BAIAP2: variants seen among roughly 807,000 people sequenced by gnomAD.
The protein encoded by BAIAP2 is BAR/IMD domain-containing adapter protein 2.
BAIAP2 carries 18 observed loss-of-function variants against 63.0 expected under a neutral mutation model. The observed-to-expected ratio is 0.29, with a 90% CI of 0.20 to 0.42. The LOEUF is 0.42. Among genes scored for constraint, BAIAP2 ranks in the 10% least tolerant of loss-of-function variants. The probability of loss-of-function intolerance (pLI) is 1.00; values close to 1 mark genes in which losing one functional copy is unlikely to be tolerated. For synonymous variants in BAIAP2, 386 were observed against 307.6 expected (o/e 1.25, Z -2.67); for missense variants, 610 against 734.3 (o/e 0.83, Z 1.96).
In BAIAP2 at chr17:81,110,847, C is replaced by T. The variant is rs1207575305; in HGVS notation, c.1535+2338C>T. ...TCCTGGCAGCTCGCCCGTGGTCCCCCCTCCTCTGCACCCCCGAGTCCTCAG... is the reference window on the plus strand; with the variant it reads ...TCCTGGCAGCTCGCCCGTGGTCCCCTCTCCTCTGCACCCCCGAGTCCTCAG... On this transcript the variant is annotated intron_variant, in intron 13 of 13. Transcript: ENST00000428708. 13 of 1,599,774 alleles carry T rather than the reference C, an allele frequency of 8.1e-6. No individual in the cohort carries two copies. The Admixed American group carries it at 8.3e-5, about 10-fold the overall frequency.
intron 13 of BAIAP2, 86 bp from the exon 14 acceptor site, chr17:81,115,684 A>G: frequency 6.6e-7 from 1 of 1,505,742 alleles, no homozygotes; most frequent in East Asian, 2.3e-5. Flanking sequence ...AGCACTGGGG[A>G]ATCCCTGGGG....
chr17:81,089,355 C>T (rs898999556), intron 6 of BAIAP2, among the ~76,000 whole-genome samples: 2 of 152,180 alleles, frequency 1.3e-5, no homozygotes, highest in Admixed American at 1.3e-4. Flanking sequence ...TTCGCAGCCA[C>T]AGGGGGCTGG....
At chr17:81,036,582 G>T (rs1568048991) in intron 1 of BAIAP2, among the ~76,000 whole-genome samples, 1 of 152,254 alleles carries the variant, frequency 6.6e-6, no homozygotes, top group East Asian at 1.9e-4. Context: ...TAAAGCTTGT[G>T]AAGTTGGGGC....
chr17:81,109,092 C>G (rs938317939), intron 13 of BAIAP2: 1 of 1,484,994 alleles, frequency 6.7e-7, no homozygotes, highest in African/African-American at 1.4e-5. Flanking sequence ...CTGGTTTGTT[C>G]TTGGGTTGTT....
At chr17:81,111,786 A>T (rs1471508152) in intron 13 of BAIAP2, among the ~76,000 whole-genome samples, 1 of 152,162 alleles carries the variant, frequency 6.6e-6, no homozygotes, top group African/African-American at 2.4e-5. Flanking sequence ...CACACCTTCC[A>T]ATCGCCTACA....
At chr17:81,108,207 T>G in intron 12 of BAIAP2, 1 of 573,708 alleles carries the variant, frequency 1.7e-6, no homozygotes, top group East Asian at 2.9e-5. Context: ...TGCATCTGTT[T>G]GGGAGTGTGC....
intron 6 of BAIAP2, among the ~76,000 whole-genome samples, chr17:81,097,273 C>T (rs1027445368): frequency 2.6e-5 from 4 of 152,138 alleles, no homozygotes; most frequent in Non-Finnish European, 2.9e-5. Context: ...AGGGGAGCGC[C>T]GGGCTCCGTG....
At chr17:81,073,718 G>A (rs1017922874) in intron 3 of BAIAP2, among the ~76,000 whole-genome samples, 1 of 152,108 alleles carries the variant, frequency 6.6e-6, no homozygotes. Context: ...CTTGTCACTC[G>A]CAGACTATAA....
At chr17:81,109,869 T>C (rs1374176632) in intron 13 of BAIAP2, 29 of 985,122 alleles carry the variant, frequency 2.9e-5, no homozygotes, top group Non-Finnish European at 3.5e-5. Context: ...CCGGGCTACC[T>C]GGCTGCTCTG....
At chr17:81,088,402 A>G (rs1598722464) in intron 6 of BAIAP2, among the ~76,000 whole-genome samples, 1 of 152,312 alleles carries the variant, frequency 6.6e-6, no homozygotes, top group East Asian at 1.9e-4. Context: ...GATATAATTC[A>G]CATCACCAGC....
intron 6 of BAIAP2, among the ~76,000 whole-genome samples, chr17:81,096,040 A>G (rs1268898689): frequency 6.6e-6 from 1 of 152,120 alleles, no homozygotes; most frequent in Non-Finnish European, 1.5e-5. Context: ...TGCCGTTCTC[A>G]GGGTGAGGAG....
At chr17:81,043,699 T>C (rs2047400587) in intron 1 of BAIAP2, among the ~76,000 whole-genome samples, 1 of 152,016 alleles carries the variant, frequency 6.6e-6, no homozygotes, top group African/African-American at 2.4e-5. Context: ...TTGCTTCGTG[T>C]GCGGGTCCTG....
intron 3 of BAIAP2, among the ~76,000 whole-genome samples, chr17:81,078,523 C>T (rs1598665508): frequency 1.7e-5 from 2 of 115,924 alleles, no homozygotes; most frequent in East Asian, 2.5e-4. Flanking sequence ...TGCTGTGGTG[C>T]GGGTGCCGTA....
intron 6 of BAIAP2, among the ~76,000 whole-genome samples, chr17:81,098,667 AAATCATTTTGGCTGG>A (rs1407680436): frequency 2.6e-5 from 4 of 151,950 alleles, no homozygotes; most frequent in African/African-American, 7.3e-5. Flanking sequence ...CCTTTTGGGG[AAATCATTTTGGCTGG>A]AGCAGCTTCT....
chr17:81,089,136 C>G (rs1013181543), intron 6 of BAIAP2, among the ~76,000 whole-genome samples: 2 of 152,252 alleles, frequency 1.3e-5, no homozygotes, highest in East Asian at 1.9e-4. Flanking sequence ...TCAAGCCCAT[C>G]CCACACAGGG....
intron 6 of BAIAP2, among the ~76,000 whole-genome samples, chr17:81,088,785 C>T (rs994415881): frequency 1.3e-5 from 2 of 152,248 alleles, no homozygotes; most frequent in African/African-American, 4.8e-5. Context: ...GGGCCAGGGC[C>T]GTCTCCCTGG....
At chr17:81,067,704 T>G (rs1270334719) in intron 3 of BAIAP2, among the ~76,000 whole-genome samples, 1 of 152,226 alleles carries the variant, frequency 6.6e-6, no homozygotes, top group African/African-American at 2.4e-5. Context: ...CTGCCGGCGT[T>G]GCTGCTGCTC....
chr17:81,057,616 C>T, intron 2 of BAIAP2: 1 of 1,202,596 alleles, frequency 8.3e-7, no homozygotes. Flanking sequence ...CAGCTCTCTG[C>T]AATTTGACTT....
intron 6 of BAIAP2, among the ~76,000 whole-genome samples, chr17:81,096,360 TCA>T (rs1405822377): frequency 6.6e-6 from 1 of 152,178 alleles, no homozygotes; most frequent in Non-Finnish European, 1.5e-5. Context: ...CCATGGAACC[TCA>T]CACACATTCC....
Sources: gnomAD v4.1 joint callset for allele counts (sites outside exome capture counted in the v4.1 genomes callset) on GRCh38, gnomAD v4.1.1 for gene constraint, MANE v1.5 for transcripts, NCBI Gene and HGNC (gene_info 2026-07-23, HGNC 2026-07-21) for gene names.